The following CNTN3 variants were observed in gnomAD, a reference collection of about 807,000 sequenced individuals.
CNTN3 encodes contactin 3.
CNTN3 carries 60 observed loss-of-function variants against 119.1 expected under a neutral mutation model. The observed-to-expected ratio is 0.50, with a 90% confidence interval of 0.41 to 0.62. The LOEUF (loss-of-function observed/expected upper bound fraction) is 0.62, where lower values mean the gene tolerates loss of function less well. Among genes scored for constraint, CNTN3 ranks in the 20% least tolerant of loss-of-function variants. The pLI is 0.00. For missense variants in CNTN3, 1,101 were observed against 1,242.4 expected (o/e 0.89, Z 1.71); for synonymous variants, 450 against 438.7 (o/e 1.03, Z -0.32).
intron 4 of CNTN3, among the ~76,000 whole-genome samples, chr3:74,454,021 T>C (rs1407272269): frequency 6.8e-6 from 1 of 147,372 alleles, no homozygotes; most frequent in African/African-American, 2.5e-5. Flanking sequence ...TAGATGTCTA[T>C]TAGGTCCGCT....
At chr3:74,353,690 AG>A (rs1703869287) in intron 11 of CNTN3, among the ~76,000 whole-genome samples, 1 of 152,098 alleles carries the variant, frequency 6.6e-6, no homozygotes, top group African/African-American at 2.4e-5. Context: ...CGGGAGGCGG[AG>A]CTTGCAGTGA....
chr3:74,481,041 G>C (rs1702754606), intron 4 of CNTN3, among the ~76,000 whole-genome samples: 1 of 151,536 alleles, frequency 6.6e-6, no homozygotes, highest in Non-Finnish European at 1.5e-5. Context: ...AAACTAGAAG[G>C]CAAAATGCTC....
At chr3:74,566,489 C>A (rs1406164497) in intron 1 of CNTN3, among the ~76,000 whole-genome samples, 1 of 152,132 alleles carries the variant, frequency 6.6e-6, no homozygotes, top group Non-Finnish European at 1.5e-5. Flanking sequence ...CAGAATCCTT[C>A]CTTGCTTCTT....
At chr3:74,424,510 C>A (rs1427045893) in intron 5 of CNTN3, among the ~76,000 whole-genome samples, 1 of 113,368 alleles carries the variant, frequency 8.8e-6, no homozygotes, top group Non-Finnish European at 2.0e-5. Flanking sequence ...GAGAGGCAGA[C>A]AAACAGCAAA....
chr3:74,280,728 C>A (rs1701988126), intron 20 of CNTN3, among the ~76,000 whole-genome samples: 1 of 152,164 alleles, frequency 6.6e-6, no homozygotes, highest in Non-Finnish European at 1.5e-5. Flanking sequence ...GGGAAGAGAG[C>A]AATGATCAAA....
At chr3:74,273,282 G>C (rs1173316125) in intron 20 of CNTN3, among the ~76,000 whole-genome samples, 1 of 152,124 alleles carries the variant, frequency 6.6e-6, no homozygotes, top group Non-Finnish European at 1.5e-5. Context: ...CACCTACTTG[G>C]AACAGATCCT....
chr3:74,534,048 G>A (rs1703729050), intron 1 of CNTN3, among the ~76,000 whole-genome samples: 1 of 152,010 alleles, frequency 6.6e-6, no homozygotes, highest in East Asian at 1.9e-4. Context: ...CAGAAGACTG[G>A]AGAATCAGCT....
At chr3:74,396,238 CA>C (rs1705050548) in intron 5 of CNTN3, among the ~76,000 whole-genome samples, 1 of 152,160 alleles carries the variant, frequency 6.6e-6, no homozygotes, top group African/African-American at 2.4e-5. Flanking sequence ...GAGGTTATGT[CA>C]AAAGCCAGGA....
intron 11 of CNTN3, among the ~76,000 whole-genome samples, chr3:74,346,940 G>C (rs778760205): frequency 6.6e-6 from 1 of 152,058 alleles, no homozygotes; most frequent in African/African-American, 2.4e-5. Context: ...AGAAATAGTC[G>C]CAATAAATTA....
At chr3:74,450,508 T>C (rs1316110686) in intron 4 of CNTN3, among the ~76,000 whole-genome samples, 3 of 151,878 alleles carry the variant, frequency 2.0e-5, no homozygotes, top group Non-Finnish European at 4.4e-5. Flanking sequence ...CCCTGTTTTT[T>C]TTTTTTTTTA....
At chr3:74,367,326 G>A (rs1704222766) in intron 8 of CNTN3, among the ~76,000 whole-genome samples, 1 of 152,086 alleles carries the variant, frequency 6.6e-6, no homozygotes, top group South Asian at 2.1e-4. Context: ...AGCAGACACT[G>A]TTGGTTTTCT....
chr3:74,526,658 G>A (rs1703623562), intron 1 of CNTN3, among the ~76,000 whole-genome samples: 1 of 151,778 alleles, frequency 6.6e-6, no homozygotes, highest in Non-Finnish European at 1.5e-5. Flanking sequence ...GTGTTCAGCA[G>A]CAAAGAAGGA....
chr3:74,602,959 G>T (rs1268877037), intron 1 of CNTN3, among the ~76,000 whole-genome samples: 1 of 152,090 alleles, frequency 6.6e-6, no homozygotes, highest in Non-Finnish European at 1.5e-5. Context: ...AATGAAGAAG[G>T]TTTATTGAGG....
intron 4 of CNTN3, among the ~76,000 whole-genome samples, chr3:74,463,494 G>A (rs1462576962): frequency 6.6e-6 from 1 of 151,938 alleles, no homozygotes; most frequent in Admixed American, 6.6e-5. Context: ...TTATGATGCC[G>A]ACCCCCTTCG....
intron 1 of CNTN3, among the ~76,000 whole-genome samples, chr3:74,589,195 G>C (rs1704653503): frequency 6.6e-6 from 1 of 152,084 alleles, no homozygotes; most frequent in African/African-American, 2.4e-5. Flanking sequence ...GAAAATTTTT[G>C]TGACCTACTC....
At chr3:74,359,694 T>G (rs1704037878) in intron 11 of CNTN3, among the ~76,000 whole-genome samples, 1 of 152,168 alleles carries the variant, frequency 6.6e-6, no homozygotes, top group Non-Finnish European at 1.5e-5. Flanking sequence ...TCTCTTAATC[T>G]TTTTATCCCC....
At chr3:74,555,923 G>A (rs906431409) in intron 1 of CNTN3, among the ~76,000 whole-genome samples, 1 of 152,020 alleles carries the variant, frequency 6.6e-6, no homozygotes, top group Non-Finnish European at 1.5e-5. Context: ...CAGTCTCAGG[G>A]AAGTTCTTTA....
At position 74,336,612 on chromosome 3, in the gene CNTN3, T is replaced by C; in HGVS notation, c.1411A>G (p.Lys471Glu). The C allele has an allele frequency of 1.2e-6, 2 of 1,612,274 alleles. No homozygotes were observed. The highest frequency in any genetic ancestry group is 1.7e-4 in the Middle Eastern group (1 of 6,056). ...CAGGTGTAAGTTCCAGCATCAGCTTTAGTCACATTGGCTATTTTGAGTCCT... is the reference window on the plus strand; with the variant it reads ...CAGGTGTAAGTTCCAGCATCAGCTTCAGTCACATTGGCTATTTTGAGTCCT... Reference protein sequence around the residue: ...DGGLKIANVTKADAGTYTCMA... With the variant: ...DGGLKIANVTEADAGTYTCMA... Residue 471 changes from lysine (K) to glutamate (E), a missense_variant, in exon 12 of 23, where the codon AAA becomes GAA. By Grantham distance (56) the Lys-to-Glu change is moderately conservative. Coordinates refer to ENST00000263665, the MANE Select transcript of CNTN3 (RefSeq NM_020872.3).
chr3:74,368,175 TAAC>T (rs1287208710), intron 8 of CNTN3, among the ~76,000 whole-genome samples: 26 of 152,212 alleles, frequency 1.7e-4, no homozygotes, highest in Admixed American at 1.6e-3. Flanking sequence ...TACAATATAA[TAAC>T]AAGTGTTAAT....
Sources: gnomAD v4.1 joint callset for allele counts (sites outside exome capture counted in the v4.1 genomes callset) on GRCh38, gnomAD v4.1.1 for gene constraint, MANE v1.5 for transcripts, NCBI Gene and HGNC (gene_info 2026-07-23, HGNC 2026-07-21) for gene names.